The following GRID1 variants were observed in gnomAD, a reference collection of about 807,000 sequenced individuals.
GRID1 encodes the protein glutamate ionotropic receptor delta type subunit 1, also known as glutamate receptor ionotropic, delta-1.
In GRID1, 28 loss-of-function variants were observed where a neutral mutation model predicts 98.0. The ratio of observed to expected loss-of-function variants is 0.29; its 90% CI spans 0.21 to 0.39. The LOEUF is 0.39. Ranked by LOEUF, GRID1 falls within the 10% of genes least tolerant of loss-of-function variation. The pLI, the probability that GRID1 is intolerant of heterozygous loss-of-function variation, is 1.00. For synonymous variants in GRID1, 553 were observed against 538.5 expected, an observed-to-expected ratio of 1.03 and a Z score of -0.37; for missense variants, 1,111 against 1,340.5, an observed-to-expected ratio of 0.83 and a Z score of 2.67.
chr10:85,775,387 T>A (rs1362025972), intron 8 of GRID1, among the ~76,000 whole-genome samples: 1 of 151,682 alleles, frequency 6.6e-6, no homozygotes, highest in Non-Finnish European at 1.5e-5. Flanking sequence ...AATGATGAGT[T>A]AATGGGTGCA....
rs1214074697 is a variant in GRID1, at chr10:85,600,120, T to C, written c.*2153A>G. ...TAAGGCAGTGAGACCAGAGTTTGATTAAAAAAATAGAGAGATATATATGTG... is the reference window on the plus strand; with the variant it reads ...TAAGGCAGTGAGACCAGAGTTTGATCAAAAAAATAGAGAGATATATATGTG... On this transcript the variant is annotated 3_prime_UTR_variant, in exon 16 of 16. Coordinates refer to ENST00000327946, the MANE Select transcript of GRID1 (RefSeq NM_017551.3). 1 of 151,926 alleles carries C rather than the reference T, an allele frequency of 6.6e-6. No individual in the cohort carries two copies. The highest frequency in any genetic ancestry group is 1.5e-5 in the Non-Finnish European group (1 of 67,910). 9.4% of individuals were successfully genotyped at this position (151,926 alleles called of 1,614,324 possible). A position where few individuals can be genotyped will look rare whatever the true frequency, so the allele number is the denominator to read the frequency against.
At chr10:85,800,321 G>T (rs1590237761) in intron 8 of GRID1, among the ~76,000 whole-genome samples, 1 of 152,016 alleles carries the variant, frequency 6.6e-6, no homozygotes, top group Middle Eastern at 3.4e-3. Flanking sequence ...TCATTCTCAG[G>T]CATTTATAAT....
chr10:85,871,515 G>A (rs1169936058), intron 5 of GRID1, among the ~76,000 whole-genome samples: 2 of 152,266 alleles, frequency 1.3e-5, no homozygotes, highest in Admixed American at 6.5e-5. Context: ...CTAAGTCAGC[G>A]GTAAATTACA....
chr10:85,748,941 A>T (rs574793467), intron 8 of GRID1, among the ~76,000 whole-genome samples: 1 of 152,268 alleles, frequency 6.6e-6, no homozygotes, highest in East Asian at 1.9e-4. Flanking sequence ...AAGATTTCAG[A>T]GTCATCCTTG....
At chr10:85,790,300 T>C (rs1361574895) in intron 8 of GRID1, among the ~76,000 whole-genome samples, 1 of 152,122 alleles carries the variant, frequency 6.6e-6, no homozygotes, top group Non-Finnish European at 1.5e-5. Flanking sequence ...AACAAGAGAA[T>C]GATTAAATGA....
At chr10:85,997,253 A>G (rs1035483131) in intron 4 of GRID1, among the ~76,000 whole-genome samples, 3 of 152,224 alleles carry the variant, frequency 2.0e-5, no homozygotes, top group African/African-American at 7.2e-5. Flanking sequence ...TACAAAAATT[A>G]GCTGGGTGTG....
chr10:86,176,458 G>GA (rs1170187889), intron 3 of GRID1, among the ~76,000 whole-genome samples: 1 of 152,258 alleles, frequency 6.6e-6, no homozygotes, highest in African/African-American at 2.4e-5. Context: ...ACTGAGGCCT[G>GA]AAAAAATGGA....
chr10:86,011,583 C>T (rs1223742675), intron 4 of GRID1, among the ~76,000 whole-genome samples: 1 of 152,056 alleles, frequency 6.6e-6, no homozygotes, highest in Non-Finnish European at 1.5e-5. Flanking sequence ...ATCTGAGGCT[C>T]GATGTATGAA....
intron 8 of GRID1, among the ~76,000 whole-genome samples, chr10:85,828,068 G>T (rs1227137428): frequency 6.6e-6 from 1 of 151,816 alleles, no homozygotes; most frequent in East Asian, 1.9e-4. Flanking sequence ...AAAAAAAAAT[G>T]AAATCATACC....
intron 4 of GRID1, among the ~76,000 whole-genome samples, chr10:85,985,949 G>A (rs1024407306): frequency 6.6e-6 from 1 of 152,198 alleles, no homozygotes; most frequent in Non-Finnish European, 1.5e-5. Context: ...CTCAGAACAT[G>A]AATTCACTCC....
In GRID1 at chr10:86,247,569, G is replaced by A. The variant is rs547401416; in HGVS notation, c.236-40921C>T. Among the ~76,000 whole-genome samples, 29 of 152,352 alleles carry A rather than the reference G, an allele frequency of 1.9e-4. No individual in the cohort carries two copies. In the South Asian group the frequency reaches 2.7e-3, roughly 14 times the overall value. On this transcript the variant is annotated intron_variant, in intron 2 of 15. Transcript: ENST00000327946. The stretch of plus-strand genomic sequence containing the variant: ...ATAACGGTGAAAGTTTGGCTAAGCA[G>A]TCTCCAAGGGCAGAAGGCTAGAAGG...
chr10:85,742,777 CT>C (rs1564576864), intron 8 of GRID1, among the ~76,000 whole-genome samples: 1 of 152,146 alleles, frequency 6.6e-6, no homozygotes, highest in African/African-American at 2.4e-5. Flanking sequence ...TCTAATTACT[CT>C]TCCTTTAAAT....
Position 85,601,875 on chromosome 10 carries a change from A to T in GRID1, c.*398T>A. On this transcript the variant is annotated 3_prime_UTR_variant, in exon 16 of 16. Transcript: ENST00000327946. Reference sequence around the variant, plus strand: ...GCTGTGGGACAAGGCAGCGAGTGGCATGTGGGGTTCCTCGTCTTCCCTTCT... The same window carrying T: ...GCTGTGGGACAAGGCAGCGAGTGGCTTGTGGGGTTCCTCGTCTTCCCTTCT... The T allele has an allele frequency of 5.7e-6, 1 of 175,208 alleles. No individual in the cohort carries two copies. The highest frequency in any genetic ancestry group is 1.2e-5 in the Non-Finnish European group (1 of 83,156). 10.9% of individuals were successfully genotyped at this position (175,208 alleles called of 1,614,324 possible). A position where few individuals can be genotyped will look rare whatever the true frequency, so the allele number is the denominator to read the frequency against.
intron 3 of GRID1, among the ~76,000 whole-genome samples, chr10:86,205,132 T>G (rs1846007482): frequency 2.6e-5 from 4 of 152,234 alleles, no homozygotes; most frequent in Admixed American, 2.6e-4. Flanking sequence ...AAACAGCATA[T>G]TTGCTCAAGA....
chr10:85,617,845 G>A (rs1387377088), intron 14 of GRID1, among the ~76,000 whole-genome samples: 3 of 152,192 alleles, frequency 2.0e-5, no homozygotes, highest in East Asian at 1.9e-4. Flanking sequence ...GGGACCTCAC[G>A]GTCAGTGAGT....
intron 2 of GRID1, among the ~76,000 whole-genome samples, chr10:86,285,807 G>C (rs1365993777): frequency 6.6e-6 from 1 of 152,154 alleles, no homozygotes; most frequent in Non-Finnish European, 1.5e-5. Context: ...ATCACTGATA[G>C]GACTTTAAGT....
At chr10:86,287,179 T>A (rs1263234652) in intron 2 of GRID1, among the ~76,000 whole-genome samples, 1 of 152,040 alleles carries the variant, frequency 6.6e-6, no homozygotes, top group Non-Finnish European at 1.5e-5. Context: ...GAGCTGCAGG[T>A]GAGGCTGGGG....
chr10:85,617,232 C>G (rs955320779), intron 14 of GRID1, among the ~76,000 whole-genome samples: 1 of 145,022 alleles, frequency 6.9e-6, no homozygotes. Context: ...AAAGCCCCCC[C>G]CCCCTTTTAT....
At chr10:85,848,828 T>C (rs1385435381) in intron 8 of GRID1, among the ~76,000 whole-genome samples, 3 of 152,234 alleles carry the variant, frequency 2.0e-5, no homozygotes, top group Non-Finnish European at 2.9e-5. Flanking sequence ...AGTTCTCGGC[T>C]CTGTCAAAAA....
Sources: gnomAD v4.1 joint callset for allele counts (sites outside exome capture counted in the v4.1 genomes callset) on GRCh38, gnomAD v4.1.1 for gene constraint, MANE v1.5 for transcripts, NCBI Gene and HGNC (gene_info 2026-07-23, HGNC 2026-07-21) for gene names.